The following RETSAT variants were observed in gnomAD, a reference collection of about 807,000 sequenced individuals.
The protein encoded by RETSAT is all-trans-retinol 13,14-reductase.
Under a neutral mutation model 61.6 loss-of-function variants are expected in RETSAT, and 35 were observed. The observed-to-expected ratio is 0.57, with a 90% confidence interval of 0.43 to 0.75. RETSAT has a LOEUF of 0.75. Among genes scored for constraint, RETSAT ranks in the 30% least tolerant of loss-of-function variants. The probability of loss-of-function intolerance (pLI) is 0.00; values close to 1 mark genes in which losing one functional copy is unlikely to be tolerated. For synonymous variants in RETSAT, 277 were observed against 310.4 expected, an observed-to-expected ratio of 0.89 and a Z score of 1.13; for missense variants, 670 against 759.5, an observed-to-expected ratio of 0.88 and a Z score of 1.38.
At chr2:85,345,476 C>T in intron 6 of RETSAT, 1 of 298,886 alleles carries the variant, frequency 3.3e-6, no homozygotes, top group East Asian at 8.9e-5. Context: ...AGCTCCCGCC[C>T]CATCCTGAGT....
intron 1 of RETSAT, among the ~76,000 whole-genome samples, chr2:85,353,042 G>GT (rs1201833073): frequency 6.6e-6 from 1 of 151,934 alleles, no homozygotes; most frequent in African/African-American, 2.4e-5. Context: ...GAGATCAATA[G>GT]TAAAAAAAAA....
Position 85,351,764 on chromosome 2 carries a change from T to G in RETSAT, c.271A>C (p.Lys91Gln). Reference sequence around the variant, plus strand: ...TGTTGTTCCAGCACCAGGACTCGCTTGCCAGCTTTAGCTAGAATTGCAGCT... The same window carrying G: ...TGTTGTTCCAGCACCAGGACTCGCTGGCCAGCTTTAGCTAGAATTGCAGCT... ...AAAAILAKAG[K>Q]RVLVLEQHTK... Residue 91 changes from lysine (K) to glutamine (Q), a missense_variant, in exon 2 of 11, where the codon AAG becomes CAG. By Grantham distance (53) the Lys-to-Gln change is moderately conservative (BLOSUM62 1). Coordinates refer to ENST00000295802, the MANE Select transcript of RETSAT (RefSeq NM_017750.4). 6.2e-7 allele frequency: 1 copy of G among 1,614,196 alleles called. No individual in the cohort carries two copies. The highest frequency in any genetic ancestry group is 8.5e-7 in the Non-Finnish European group (1 of 1,180,046).
intron 3 of RETSAT, 129 bp downstream of exon 3, chr2:85,350,651 G>T: frequency 9.2e-7 from 1 of 1,081,874 alleles, no homozygotes; most frequent in Non-Finnish European, 1.4e-6. Flanking sequence ...GCTGAGCTAA[G>T]AACAGATGTG....
chr2:85,350,543 G>A (rs552723360), intron 3 of RETSAT, among the ~76,000 whole-genome samples: 3 of 152,272 alleles, frequency 2.0e-5, no homozygotes, highest in Admixed American at 2.0e-4. Flanking sequence ...AGTCAGGGAG[G>A]AGAGCAGGGC....
chr2:85,348,081 C>T (rs1236405464), intron 5 of RETSAT, among the ~76,000 whole-genome samples: 2 of 152,154 alleles, frequency 1.3e-5, no homozygotes, highest in Non-Finnish European at 1.5e-5. Flanking sequence ...CCTTCTTGCA[C>T]AGACCCTCTA....
In RETSAT at chr2:85,349,658, G is replaced by A; in HGVS notation, c.800-77C>T. 7.2e-6 allele frequency: 9 copies of A among 1,246,560 alleles called. No homozygotes were observed. In the South Asian group the frequency reaches 9.9e-5, roughly 14 times the overall value. 77.2% of individuals were successfully genotyped at this position (1,246,560 alleles called of 1,614,324 possible). A position where few individuals can be genotyped will look rare whatever the true frequency, so the allele number is the denominator to read the frequency against. ...TTCAGAAAGGAACGTGGAATTCTGT[G>A]AGATAACACACAGCCCAGTCTATCC... On this transcript the variant is annotated intron_variant, in intron 4 of 10. Coordinates refer to ENST00000295802, the MANE Select transcript of RETSAT (RefSeq NM_017750.4).
chr2:85,346,907 C>T (rs1429934933), intron 5 of RETSAT, among the ~76,000 whole-genome samples: 1 of 152,186 alleles, frequency 6.6e-6, no homozygotes, highest in Non-Finnish European at 1.5e-5. Context: ...TGGTCACTCT[C>T]ACTAAACTCC....
At chr2:85,344,533 C>T (rs1683154785) in intron 7 of RETSAT, 61 bp downstream of exon 7, 1 of 1,590,922 alleles carries the variant, frequency 6.3e-7, no homozygotes, top group South Asian at 1.1e-5. Context: ...AACCTCTGCT[C>T]ATTCTCTGAG....
rs1683396985 is a variant in RETSAT at position 85,354,482 on chromosome 2, A to G, written c.26T>C (p.Leu9Pro). Reference protein sequence around the residue: MWLPLVLLLAVLLLAVLCK... With the variant: MWLPLVLLPAVLLLAVLCK... ...GAGGACGGCCAGCAGCAGCACAGCC[A>G]GGAGCAGCACCAGCGGAAGCCACAT... The change falls in exon 1 of 11, where the codon CTG (leucine) becomes CCG (proline). Residue 9 changes from leucine to proline, a missense_variant. Coordinates refer to ENST00000295802, the MANE Select transcript of RETSAT (RefSeq NM_017750.4). 1 of 1,613,238 alleles carries G rather than the reference A, an allele frequency of 6.2e-7. No homozygotes were observed. Among genetic ancestry groups the G allele is most frequent in the Non-Finnish European group, 8.5e-7 (1 of 1,179,550 alleles).
intron 1 of RETSAT, among the ~76,000 whole-genome samples, chr2:85,352,648 C>T (rs896553074): frequency 2.0e-5 from 3 of 152,180 alleles, no homozygotes; most frequent in African/African-American, 7.2e-5. Context: ...TCCCAAATTG[C>T]TGGGATTACA....
At position 85,346,086 on chromosome 2, in the gene RETSAT, C is replaced by T; in HGVS notation, c.1006G>A (p.Val336Met). The T allele has an allele frequency of 1.2e-6, 2 of 1,611,372 alleles. No individual in the cohort carries two copies. Among genetic ancestry groups the T allele is most frequent in the Non-Finnish European group, 1.7e-6 (2 of 1,177,806 alleles). The change falls in exon 6 of 11, where the codon GTG (valine) becomes ATG (methionine). Residue 336 changes from valine to methionine, a missense_variant. Transcript: ENST00000295802. ...DSAGKACGVS[V>M]KKGHELVNIY... ...TTCACCAGCTCATGCCCCTTCTTCA[C>T]ACTGACACCTGCAGGCACAAGAGCT...
intron 1 of RETSAT, among the ~76,000 whole-genome samples, chr2:85,353,891 C>T (rs765114127): frequency 9.9e-5 from 15 of 152,174 alleles, no homozygotes; most frequent in Non-Finnish European, 1.8e-4. Context: ...CGATTTGGGA[C>T]CATGCAAAGC....
chr2:85,351,640 A>G (rs1248018488), intron 2 of RETSAT, 40 bp downstream of exon 2: 2 of 1,588,478 alleles, frequency 1.3e-6, no homozygotes, highest in African/African-American at 1.3e-5. Context: ...CCTCTTCAAC[A>G]TACAGCCATG....
At chr2:85,349,711 A>C in intron 4 of RETSAT, 130 bp from the exon 5 acceptor site, 1 of 792,128 alleles carries the variant, frequency 1.3e-6, no homozygotes, top group Non-Finnish European at 2.1e-6. Flanking sequence ...TCAGGGTCCA[A>C]GGCAGCCAGA....
intron 2 of RETSAT, 125 bp downstream of exon 2, chr2:85,351,555 A>G (rs1683300034): frequency 1.0e-6 from 1 of 990,934 alleles, no homozygotes; most frequent in East Asian, 2.4e-5. Context: ...ACAAAGAAAA[A>G]AAGTACCCAG....
Position 85,350,157 on chromosome 2 carries a change from G to A in RETSAT, c.682C>T (p.Leu228=). ...VVQLLDRCGL[L]TRFSPFLQAS... Reference sequence around the variant, plus strand: ...TGAAGGAATGGAGAGAAACGAGTCAGCAGCCCACACCTGTCGAGGAGCTGA... The same window carrying A: ...TGAAGGAATGGAGAGAAACGAGTCAACAGCCCACACCTGTCGAGGAGCTGA... The change falls in exon 4 of 11, where the codon CTG becomes TTG. Residue 228 remains leucine, a synonymous_variant. Coordinates refer to ENST00000295802, the MANE Select transcript of RETSAT (RefSeq NM_017750.4). 1 of 1,613,990 alleles carries A rather than the reference G, an allele frequency of 6.2e-7. No individual in the cohort carries two copies. Among genetic ancestry groups the A allele is most frequent in the Non-Finnish European group, 8.5e-7 (1 of 1,180,016 alleles).
intron 2 of RETSAT, 148 bp downstream of exon 2, chr2:85,351,532 C>T: frequency 1.3e-6 from 1 of 776,264 alleles, no homozygotes; most frequent in South Asian, 1.9e-5. Flanking sequence ...AAGTGAGACT[C>T]TGTCTGAAAC....
Position 85,350,087 on chromosome 2 carries a change from G to A in RETSAT, c.752C>T (p.Ala251Val), listed in dbSNP as rs140253016. ...GAGTACTGCCTGGAGCTCAGAGGAG[G>A]CCCCCAGCTGCTGCAGGACCTCAGC... The part of the protein sequence containing the change: ...SLAEVLQQLG[A>V]SSELQAVLSY... Residue 251 changes from alanine (A) to valine (V), a missense_variant, in exon 4 of 11, where the codon GCC (alanine) becomes GTC (valine). By Grantham distance (64) the Ala-to-Val change is moderately conservative. Transcript: ENST00000295802. 72 of 1,613,826 alleles carry A rather than the reference G, an allele frequency of 4.5e-5. No individual in the cohort carries two copies. The highest frequency in any genetic ancestry group is 8.0e-5 in the African/African-American group (6 of 74,928).
chr2:85,343,685 C>A lies in RETSAT; in HGVS notation c.1647G>T (p.Met549Ile). 7.4e-6 allele frequency: 12 copies of A among 1,614,140 alleles called. No individual in the cohort carries two copies. Among genetic ancestry groups the A allele is most frequent in the Non-Finnish European group, 1.0e-5 (12 of 1,179,980 alleles). The change falls in exon 10 of 11, where the codon ATG becomes ATT. Residue 549 changes from methionine to isoleucine, a missense_variant. Physicochemically the swap from Met to Ile is conservative, Grantham distance 10. Transcript: ENST00000295802. ...HDLGRLHPCV[M>I]ASLRAQSPIP... is the part of the protein sequence containing the mutation. ...TGGGGCTCTGGGCCCTCAAGGAGGC[C>A]ATCACACAAGGGTGCAGGCGGCCCA...
Sources: gnomAD v4.1 joint callset for allele counts (sites outside exome capture counted in the v4.1 genomes callset) on GRCh38, gnomAD v4.1.1 for gene constraint, MANE v1.5 for transcripts, NCBI Gene and HGNC (gene_info 2026-07-23, HGNC 2026-07-21) for gene names.